NUBPL: variants seen among roughly 807,000 people sequenced by gnomAD.
NUBPL encodes iron-sulfur cluster transfer protein NUBPL.
In NUBPL, 31 loss-of-function variants were observed where a neutral mutation model predicts 45.7. The observed-to-expected ratio is 0.68, with a 90% CI of 0.51 to 0.92. NUBPL has a LOEUF of 0.92. Ranked by LOEUF, NUBPL falls within the 40% of genes least tolerant of loss-of-function variation. The probability of loss-of-function intolerance (pLI) is 0.00; values close to 1 mark genes in which losing one functional copy is unlikely to be tolerated. For missense variants in NUBPL, 401 were observed against 398.7 expected, an observed-to-expected ratio of 1.01 and a Z score of -0.05; for synonymous variants, 144 against 140.9, an observed-to-expected ratio of 1.02 and a Z score of -0.15.
In NUBPL at chr14:31,755,147, C is replaced by T. The variant is rs572342926; in HGVS notation, c.514-32633C>T. Among the ~76,000 whole-genome samples, 10 of 151,868 alleles carry T rather than the reference C, an allele frequency of 6.6e-5. No individual in the cohort carries two copies. The East Asian group carries it at 7.8e-4, about 12-fold the overall frequency. On this transcript the variant is annotated intron_variant, in intron 6 of 10. Coordinates refer to ENST00000281081, the MANE Select transcript of NUBPL (RefSeq NM_025152.3). ...AAATCTTTGCTATTGTGAATAGTGC[C>T]GCAATAAACATACGTGTGCATGTGT...
At chr14:31,780,959 C>T (rs1157248493) in intron 6 of NUBPL, among the ~76,000 whole-genome samples, 1 of 152,124 alleles carries the variant, frequency 6.6e-6, no homozygotes, top group Non-Finnish European at 1.5e-5. Flanking sequence ...ACAGTGCTTC[C>T]CATATTATTT....
chr14:31,649,682 G>A (rs1308403546), intron 4 of NUBPL, among the ~76,000 whole-genome samples: 3 of 152,110 alleles, frequency 2.0e-5, no homozygotes, highest in Admixed American at 1.3e-4. Flanking sequence ...AAAAATATGA[G>A]GAGATAAGGT....
intron 9 of NUBPL, 41 bp from the exon 10 acceptor site, chr14:31,850,078 A>T (rs760163806): frequency 2.7e-6 from 4 of 1,490,864 alleles, no homozygotes; most frequent in Non-Finnish European, 3.7e-6. Flanking sequence ...TGCCTATATG[A>T]ACTTTTCTGG....
intron 6 of NUBPL, among the ~76,000 whole-genome samples, chr14:31,739,224 A>G (rs980482041): frequency 7.2e-6 from 1 of 138,234 alleles, no homozygotes; most frequent in Non-Finnish European, 1.6e-5. Context: ...TATATTATAT[A>G]TATATATATT....
intron 8 of NUBPL, among the ~76,000 whole-genome samples, chr14:31,829,977 A>G (rs569825550): frequency 3.0e-4 from 45 of 152,002 alleles, no homozygotes; most frequent in Non-Finnish European, 5.0e-4. Context: ...GTGTTGTGTC[A>G]TTCTCACTCA....
At chr14:31,820,919 G>A (rs1010252532) in intron 7 of NUBPL, among the ~76,000 whole-genome samples, 3 of 151,082 alleles carry the variant, frequency 2.0e-5, no homozygotes, top group East Asian at 2.0e-4. Flanking sequence ...TCAGGGGTTC[G>A]AGACCAGCCT....
Position 31,562,147 on chromosome 14 carries a change from T to C in NUBPL, c.188T>C (p.Ile63Thr), listed in dbSNP as rs778041395. Reference protein sequence around the residue: ...MSRGLPKQKPIEGVKQVIVVA... With the variant: ...MSRGLPKQKPTEGVKQVIVVA... ...CGAGGACTTCCAAAGCAGAAACCGA[T>C]AGAAGGTGTTAAACAAGTTATAGTT... The change falls in exon 2 of 11, where the codon ATA (isoleucine) becomes ACA (threonine). Residue 63 changes from isoleucine to threonine, a missense_variant. Physicochemically the swap from Ile to Thr is moderately conservative, Grantham distance 89. Transcript: ENST00000281081. The C allele has an allele frequency of 1.2e-6, 2 of 1,613,920 alleles. No homozygotes were observed. The highest frequency in any genetic ancestry group is 1.7e-6 in the Non-Finnish European group (2 of 1,179,932).
chr14:31,647,721 G>A (rs546374645), intron 4 of NUBPL, among the ~76,000 whole-genome samples: 5 of 152,280 alleles, frequency 3.3e-5, no homozygotes, highest in East Asian at 1.9e-4. Flanking sequence ...CCCTTTAGGC[G>A]TTCATGATGC....
Position 31,787,786 on chromosome 14 carries a change from TG to T in NUBPL, c.524del (p.Gly175ValfsTer6). The T allele has an allele frequency of 6.2e-7, 1 of 1,606,916 alleles. No homozygotes were observed. Among genetic ancestry groups the T allele is most frequent in the Non-Finnish European group, 8.5e-7 (1 of 1,173,492 alleles). ...ATCTATGTCATCTTTTTAGGTAGATTGGGGTCAACTGGACTACTTAGTTGTA... is the reference window on the plus strand; with the variant it reads ...ATCTATGTCATCTTTTTAGGTAGATTGGGTCAACTGGACTACTTAGTTGTA... Reference protein sequence around the residue: ...AIEKLLRQVDWGQLDYLVVDM... With the variant: ...AIEKLLRQVDXGQLDYLVVDM... On this transcript the variant is annotated frameshift_variant, in exon 7 of 11. Transcript: ENST00000281081. LOFTEE classifies it high-confidence loss of function.
intron 6 of NUBPL, among the ~76,000 whole-genome samples, chr14:31,677,291 TTC>T (rs1338448098): frequency 2.0e-5 from 3 of 152,204 alleles, no homozygotes; most frequent in Non-Finnish European, 4.4e-5. Flanking sequence ...TATTCATTCT[TTC>T]TGTTTGTTTG....
At chr14:31,786,917 T>C (rs1395937737) in intron 6 of NUBPL, among the ~76,000 whole-genome samples, 2 of 152,200 alleles carry the variant, frequency 1.3e-5, no homozygotes, top group African/African-American at 4.8e-5. Context: ...ACAGACTAGA[T>C]AGGCAGTGCT....
At chr14:31,679,486 T>C (rs569546677) in intron 6 of NUBPL, among the ~76,000 whole-genome samples, 3 of 152,308 alleles carry the variant, frequency 2.0e-5, no homozygotes, top group Middle Eastern at 3.4e-3. Context: ...TTTTATAGTT[T>C]ATACAGTTAT....
At chr14:31,711,594 C>T (rs113220218) in intron 6 of NUBPL, among the ~76,000 whole-genome samples, 12,816 of 151,990 alleles carry the variant, frequency 0.084, 632 homozygotes, top group African/African-American at 0.14. Flanking sequence ...AGAATGAAGC[C>T]GCAGACCCTC....
At position 31,748,168 on chromosome 14, in the gene NUBPL, T is replaced by A. The variant is rs561643053; in HGVS notation, c.514-39612T>A. ...TCCGTTGTGATCAGAGGAGATAGTA[T>A]GTGTTTTTTCAGTTTTTAAAAATTT... On this transcript the variant is annotated intron_variant, in intron 6 of 10. Coordinates refer to ENST00000281081, the MANE Select transcript of NUBPL (RefSeq NM_025152.3). Among the ~76,000 whole-genome samples the A allele has an allele frequency of 3.9e-5, 6 of 152,334 alleles. No individual in the cohort carries two copies. In the South Asian group the frequency reaches 6.2e-4, roughly 16 times the overall value.
At position 31,711,381 on chromosome 14, in the gene NUBPL, G is replaced by A. The variant is rs143182445; in HGVS notation, c.513+37807G>A. ...GCTTTTAACTGGCCGACAGGTGCCC[G>A]GTATTTAGCCCCTGAATTCTAAGGA... On this transcript the variant is annotated intron_variant, in intron 6 of 10. Coordinates refer to ENST00000281081, the MANE Select transcript of NUBPL (RefSeq NM_025152.3). Among the ~76,000 whole-genome samples, 341 of 152,246 alleles carry A rather than the reference G, an allele frequency of 2.2e-3. 3 individuals carry two copies. The highest frequency in any genetic ancestry group is 7.8e-3 in the African/African-American group (322 of 41,546).
intron 4 of NUBPL, among the ~76,000 whole-genome samples, chr14:31,650,936 A>C (rs2035986683): frequency 6.6e-6 from 1 of 152,084 alleles, no homozygotes; most frequent in Non-Finnish European, 1.5e-5. Flanking sequence ...TTTTTTAACA[A>C]CCAGCACACA....
chr14:31,787,960 T>C, intron 7 of NUBPL, 87 bp downstream of exon 7: 1 of 831,534 alleles, frequency 1.2e-6, no homozygotes, highest in Non-Finnish European at 2.0e-6. Context: ...GTTAGGCAAA[T>C]ATTTTGCCTT....
At chr14:31,639,916 G>A (rs1411955745) in intron 4 of NUBPL, among the ~76,000 whole-genome samples, 5 of 152,132 alleles carry the variant, frequency 3.3e-5, no homozygotes, top group South Asian at 2.1e-4. Flanking sequence ...CTCCTGATGC[G>A]CCGTTTTTTA....
intron 7 of NUBPL, among the ~76,000 whole-genome samples, chr14:31,809,355 G>A (rs2039754873): frequency 6.6e-6 from 1 of 152,152 alleles, no homozygotes; most frequent in Non-Finnish European, 1.5e-5. Context: ...GAGGGTGTAT[G>A]TGTTCAGGAA....
Sources: allele counts gnomAD v4.1 joint callset (sites outside exome capture counted in the v4.1 genomes callset), GRCh38; gene constraint gnomAD v4.1.1; transcripts MANE v1.5; gene names NCBI Gene and HGNC (gene_info 2026-07-23, HGNC 2026-07-21).